Variants in CDH12 observed in about 807,000 individuals in gnomAD.
CDH12 encodes cadherin 12.
Under a neutral mutation model 74.1 loss-of-function variants are expected in CDH12, and 41 were observed. That is an observed-to-expected ratio of 0.55 (90% confidence interval 0.43 to 0.72). The LOEUF is 0.72. Ranked by LOEUF, CDH12 falls within the 30% of genes least tolerant of loss-of-function variation. The pLI is 0.00. For synonymous variants in CDH12, 399 were observed against 355.0 expected (o/e 1.12, Z -1.39); for missense variants, 945 against 977.2 (o/e 0.97, Z 0.44).
At chr5:22,174,328 T>C (rs1053121768) in intron 4 of CDH12, among the ~76,000 whole-genome samples, 7 of 151,974 alleles carry the variant, frequency 4.6e-5, no homozygotes. Context: ...TTGCTTCAAA[T>C]TTCATCTAAT....
intron 3 of CDH12, among the ~76,000 whole-genome samples, chr5:22,404,106 T>A (rs527413248): frequency 6.6e-6 from 1 of 152,090 alleles, no homozygotes; most frequent in Non-Finnish European, 1.5e-5. Flanking sequence ...CATATTTGTA[T>A]GTAATATGCA....
chr5:22,752,547 T>C (rs1388065916), intron 1 of CDH12, among the ~76,000 whole-genome samples: 28 of 17,328 alleles, frequency 1.6e-3, no homozygotes, highest in Admixed American at 3.3e-3. Flanking sequence ...GGATACTTCT[T>C]TTTTTTTTTT....
chr5:22,055,674 T>C (rs1740687593), intron 5 of CDH12, among the ~76,000 whole-genome samples: 2 of 152,102 alleles, frequency 1.3e-5, no homozygotes, highest in Admixed American at 1.3e-4. Flanking sequence ...AAAAATTCAC[T>C]TAATATTCAT....
intron 1 of CDH12, among the ~76,000 whole-genome samples, chr5:22,834,192 G>A (rs966851010): frequency 6.6e-6 from 1 of 152,122 alleles, no homozygotes; most frequent in Non-Finnish European, 1.5e-5. Flanking sequence ...CACTTCTGCT[G>A]TGCCAGTTAG....
intron 6 of CDH12, among the ~76,000 whole-genome samples, chr5:21,944,212 A>G (rs990997767): frequency 1.3e-5 from 2 of 152,186 alleles, no homozygotes; most frequent in South Asian, 2.1e-4. Context: ...TGTTTTTCTT[A>G]TTACTAACAG....
intron 2 of CDH12, among the ~76,000 whole-genome samples, chr5:22,488,752 C>A (rs1315570837): frequency 6.6e-6 from 1 of 152,056 alleles, no homozygotes; most frequent in African/African-American, 2.4e-5. Context: ...ACCTGCTTAC[C>A]CTGCCTCATC....
chr5:22,500,054 C>A (rs1170836620), intron 2 of CDH12, among the ~76,000 whole-genome samples: 1 of 152,032 alleles, frequency 6.6e-6, no homozygotes, highest in Non-Finnish European at 1.5e-5. Context: ...ACTGTCTTGG[C>A]ATTCTTATAA....
rs869248894 is a variant in CDH12 at position 22,191,554 on chromosome 5, C to CTTTTTTTTTTTTTTTTTTT, written c.-187+20943_-187+20944insAAAAAAAAAAAAAAAAAAA. Among the ~76,000 whole-genome samples, 6 of 55,202 alleles carry CTTTTTTTTTTTTTTTTTTT rather than the reference C, an allele frequency of 1.1e-4. 3 individuals carry two copies. Among genetic ancestry groups the CTTTTTTTTTTTTTTTTTTT allele is most frequent in the African/African-American group, 1.2e-4 (2 of 16,480 alleles). The allele number at this position is 55,202 out of a possible 152,430, so 36.2% of individuals were successfully genotyped here. A position where few individuals can be genotyped will look rare whatever the true frequency, so the allele number is the denominator to read the frequency against. ...TAAGTTGTCTATATACACCAATGGTCTTTTTATTTTTATTTTTTTTTTTTT... is the reference window on the plus strand; with the variant it reads ...TAAGTTGTCTATATACACCAATGGTCTTTTTTTTTTTTTTTTTTTTTTTTATTTTTATTTTTTTTTTTTT... On this transcript the variant is annotated intron_variant, in intron 4 of 14. Coordinates refer to ENST00000382254, the MANE Select transcript of CDH12 (RefSeq NM_004061.5).
intron 9 of CDH12, among the ~76,000 whole-genome samples, chr5:21,804,367 G>A (rs6452000): frequency 0.69 from 104,402 of 151,956 alleles, 36,944 homozygotes; most frequent in Non-Finnish European, 0.78. Flanking sequence ...GTGTTTTGTT[G>A]AAGAAATCAG....
At chr5:22,693,462 G>C (rs994013358) in intron 1 of CDH12, among the ~76,000 whole-genome samples, 1 of 152,036 alleles carries the variant, frequency 6.6e-6, no homozygotes, top group Non-Finnish European at 1.5e-5. Context: ...AGGGGACTTA[G>C]ATTGGGGCTT....
At chr5:22,481,214 A>G (rs150771745) in intron 2 of CDH12, among the ~76,000 whole-genome samples, 29 of 152,358 alleles carry the variant, frequency 1.9e-4, no homozygotes, top group Non-Finnish European at 3.4e-4. Context: ...GTTGGCAAAG[A>G]TCTGAAGAAA....
chr5:22,724,288 G>A (rs138692706), intron 1 of CDH12, among the ~76,000 whole-genome samples: 62 of 151,626 alleles, frequency 4.1e-4, no homozygotes, highest in Non-Finnish European at 5.9e-4. Context: ...GTGTTAATGG[G>A]TAAGTCATTT....
At chr5:22,020,853 G>T (rs1251125518) in intron 5 of CDH12, among the ~76,000 whole-genome samples, 1 of 151,372 alleles carries the variant, frequency 6.6e-6, no homozygotes, top group Non-Finnish European at 1.5e-5. Flanking sequence ...TTGGGGAGGG[G>T]GCACAATTCA....
intron 6 of CDH12, among the ~76,000 whole-genome samples, chr5:21,900,154 G>A (rs1323166963): frequency 1.3e-5 from 2 of 152,016 alleles, no homozygotes; most frequent in African/African-American, 4.8e-5. Context: ...ATCACTTTTG[G>A]CACTAGCTCT....
At chr5:21,874,621 T>G (rs975827967) in intron 6 of CDH12, among the ~76,000 whole-genome samples, 2 of 152,188 alleles carry the variant, frequency 1.3e-5, no homozygotes, top group African/African-American at 2.4e-5. Context: ...TTTCACTCTA[T>G]TAAATCTTGC....
intron 1 of CDH12, among the ~76,000 whole-genome samples, chr5:22,633,009 T>G (rs1331952383): frequency 6.6e-6 from 1 of 152,132 alleles, no homozygotes; most frequent in Non-Finnish European, 1.5e-5. Flanking sequence ...AATTAACAGC[T>G]GACTTTCCAT....
rs374428961 is a variant in CDH12, at chr5:22,839,435, T to A, written c.-523+13623A>T. On this transcript the variant is annotated intron_variant, in intron 1 of 14. Coordinates refer to ENST00000382254, the MANE Select transcript of CDH12 (RefSeq NM_004061.5). Reference sequence around the variant, plus strand: ...GTGCAATGGTGCTATCTCGGCTCACTGCAACCTCTGCCTCCTGGGTTCAAG... The same window carrying A: ...GTGCAATGGTGCTATCTCGGCTCACAGCAACCTCTGCCTCCTGGGTTCAAG... Among the ~76,000 whole-genome samples the A allele has an allele frequency of 1.7e-4, 25 of 149,944 alleles. No homozygotes were observed. The East Asian group carries it at 5.1e-3, about 31-fold the overall frequency.
chr5:21,824,871 T>A (rs949169491), intron 8 of CDH12, among the ~76,000 whole-genome samples: 3 of 152,054 alleles, frequency 2.0e-5, no homozygotes, highest in African/African-American at 7.2e-5. Context: ...AACAAAATAT[T>A]GCCCAGGCAC....
chr5:22,303,152 A>G (rs887108185), intron 3 of CDH12, among the ~76,000 whole-genome samples: 3 of 152,156 alleles, frequency 2.0e-5, no homozygotes, highest in Non-Finnish European at 4.4e-5. Flanking sequence ...TGACAGTAAG[A>G]CATCTCATTG....
Sources: allele counts gnomAD v4.1 joint callset (sites outside exome capture counted in the v4.1 genomes callset), GRCh38; gene constraint gnomAD v4.1.1; transcripts MANE v1.5; gene names NCBI Gene and HGNC (gene_info 2026-07-23, HGNC 2026-07-21).